The following IL6ST variants were observed in gnomAD, a reference collection of about 807,000 sequenced individuals.
IL6ST encodes the protein interleukin 6 cytokine family signal transducer, also known as interleukin-6 receptor subunit beta.
A neutral mutation model predicts 91.3 loss-of-function variants in IL6ST; 24 were observed. That is an observed-to-expected ratio of 0.26 (90% CI 0.19 to 0.37). The LOEUF is 0.37. Ranked by LOEUF, IL6ST falls within the 10% of genes least tolerant of loss-of-function variation. The pLI, the probability that IL6ST is intolerant of heterozygous loss-of-function variation, is 1.00. For synonymous variants in IL6ST, 351 were observed against 373.6 expected, an observed-to-expected ratio of 0.94 and a Z score of 0.70; for missense variants, 914 against 1,078.5, an observed-to-expected ratio of 0.85 and a Z score of 2.14.
At chr5:55,955,255 C>T (rs1001053676) in intron 10 of IL6ST, among the ~76,000 whole-genome samples, 5 of 152,148 alleles carry the variant, frequency 3.3e-5, no homozygotes, top group South Asian at 2.1e-4. Flanking sequence ...ATCAGGAGTT[C>T]GAAACCAGCC....
At chr5:55,945,648 CTTTTTT>C (rs70995749) in intron 15 of IL6ST, among the ~76,000 whole-genome samples, 15 of 41,678 alleles carry the variant, frequency 3.6e-4, no homozygotes, top group East Asian at 9.2e-4. Flanking sequence ...AAAACTTATG[CTTTTTT>C]TTTTTTTTTT....
chr5:55,955,289 C>G (rs1751885954), intron 10 of IL6ST, among the ~76,000 whole-genome samples: 1 of 152,154 alleles, frequency 6.6e-6, no homozygotes, highest in African/African-American at 2.4e-5. Context: ...GAAACCCCGT[C>G]TCTACTAAAA....
At chr5:55,966,810 GA>G (rs1752658698) in intron 5 of IL6ST, among the ~76,000 whole-genome samples, 1 of 152,014 alleles carries the variant, frequency 6.6e-6, no homozygotes, top group South Asian at 2.1e-4. Context: ...AAACAAATGG[GA>G]AACTTAGTAA....
At chr5:55,951,654 T>G in intron 13 of IL6ST, 50 bp from the exon 14 acceptor site, 1 of 1,553,576 alleles carries the variant, frequency 6.4e-7, no homozygotes, top group South Asian at 1.2e-5. Flanking sequence ...TGCTTTTGCT[T>G]ATTTGGCCTA....
chr5:55,983,062 C>G (rs773187920), intron 1 of IL6ST, among the ~76,000 whole-genome samples: 8 of 150,570 alleles, frequency 5.3e-5, no homozygotes, highest in Non-Finnish European at 1.0e-4. Flanking sequence ...TGCAGTAGCA[C>G]AATTACAGCT....
intron 1 of IL6ST, chr5:55,993,964 G>A (rs1176491203): frequency 1.4e-5 from 2 of 145,176 alleles, no homozygotes; most frequent in South Asian, 2.2e-4. Context: ...ATTCACCCTG[G>A]CATTCTAATA....
chr5:55,972,654 T>C (rs1450969894), intron 3 of IL6ST, among the ~76,000 whole-genome samples: 5 of 152,136 alleles, frequency 3.3e-5, no homozygotes, highest in Non-Finnish European at 7.4e-5. Flanking sequence ...AAGAAAGGTA[T>C]CTGATAAAGT....
chr5:55,967,151 T>C (rs1206415842), intron 5 of IL6ST, among the ~76,000 whole-genome samples: 9 of 149,940 alleles, frequency 6.0e-5, no homozygotes, highest in Admixed American at 1.3e-4. Flanking sequence ...CTATTAAAAA[T>C]AGAAAAAAAT....
intron 1 of IL6ST, among the ~76,000 whole-genome samples, chr5:55,993,174 G>C (rs1283164936): frequency 6.6e-6 from 1 of 152,166 alleles, no homozygotes; most frequent in African/African-American, 2.4e-5. Flanking sequence ...AGGAGGGAGC[G>C]GGGAATCCCT....
chr5:55,947,608 A>G lies in IL6ST; in HGVS notation c.1841-19T>C. On this transcript the variant is annotated intron_variant, in intron 14 of 16. Transcript: ENST00000381298. ...CCTTGAGCTTAAAAAAAAAAAAAAA[A>G]AAAAAAAAAGAGGTGTGATGGGAAA... The G allele has an allele frequency of 2.1e-6, 3 of 1,436,792 alleles. No homozygotes were observed. Among genetic ancestry groups the G allele is most frequent in the Non-Finnish European group, 2.9e-6 (3 of 1,049,824 alleles). The allele number at this position is 1,436,792 out of a possible 1,614,324, so 89.0% of individuals were successfully genotyped here. A position where few individuals can be genotyped will look rare whatever the true frequency, so the allele number is the denominator to read the frequency against.
chr5:55,971,342 G>C (rs1474998946), intron 3 of IL6ST, among the ~76,000 whole-genome samples: 2 of 152,010 alleles, frequency 1.3e-5, no homozygotes, highest in African/African-American at 4.8e-5. Flanking sequence ...ATGCTACTTT[G>C]ACTGCTGAAG....
In IL6ST at chr5:55,937,253, T is replaced by A. The variant is rs983835880; in HGVS notation, c.*3829A>T. ...AATGAAATGGGTAATGAAGTTAAAC[T>A]AACCAGTTTGTACAAACTATTGACT... is the stretch of plus-strand genomic sequence containing the variant. On this transcript the variant is annotated 3_prime_UTR_variant, in exon 17 of 17. Transcript: ENST00000381298. The A allele has an allele frequency of 1.7e-4, 36 of 214,322 alleles. No individual in the cohort carries two copies. Among genetic ancestry groups the A allele is most frequent in the Admixed American group, 1.1e-3 (19 of 17,136 alleles). 13.3% of individuals were successfully genotyped at this position (214,322 alleles called of 1,614,324 possible).
At chr5:55,970,524 T>C (rs1752899977) in intron 3 of IL6ST, among the ~76,000 whole-genome samples, 1 of 151,874 alleles carries the variant, frequency 6.6e-6, no homozygotes, top group Non-Finnish European at 1.5e-5. Flanking sequence ...CCATCTGTAC[T>C]AAAAACAAAA....
chr5:55,944,885 C>T (rs1460950010), intron 15 of IL6ST, among the ~76,000 whole-genome samples: 2 of 152,094 alleles, frequency 1.3e-5, no homozygotes, highest in African/African-American at 2.4e-5. Flanking sequence ...TCGCCGATCA[C>T]CTCTGAGACC....
rs1414463482 is a variant in IL6ST, at chr5:55,935,406, A to C, written c.*5676T>G. On this transcript the variant is annotated 3_prime_UTR_variant, in exon 17 of 17. Coordinates refer to ENST00000381298, the MANE Select transcript of IL6ST (RefSeq NM_002184.4). ...TTGAAAATCTTTAGCGGTTGGGGAA[A>C]ATAGCTATATTTAAAAACAAATATT... 1 of 203,848 alleles carries C rather than the reference A, an allele frequency of 4.9e-6. No homozygotes were observed. Among genetic ancestry groups the C allele is most frequent in the Non-Finnish European group, 1.0e-5 (1 of 99,540 alleles). 12.6% of individuals were successfully genotyped at this position (203,848 alleles called of 1,614,324 possible).
At chr5:55,990,998 T>C (rs565161688) in intron 1 of IL6ST, among the ~76,000 whole-genome samples, 20 of 152,158 alleles carry the variant, frequency 1.3e-4, no homozygotes, top group Non-Finnish European at 2.8e-4. Flanking sequence ...TGTTTGGTTT[T>C]CTGTCCTTGC....
intron 1 of IL6ST, 69 bp from the exon 2 acceptor site, chr5:55,982,880 A>G (rs1159821183): frequency 2.5e-6 from 1 of 396,992 alleles, no homozygotes; most frequent in Non-Finnish European, 4.4e-6. Context: ...TACTTTAAAA[A>G]TCCCCATCTG....
intron 1 of IL6ST, among the ~76,000 whole-genome samples, chr5:55,986,206 G>A (rs866200393): frequency 6.6e-6 from 1 of 152,096 alleles, no homozygotes; most frequent in African/African-American, 2.4e-5. Context: ...GTTCAAAAAG[G>A]GATATTGAAA....
chr5:55,942,843 C>T (rs768982606), intron 15 of IL6ST, 92 bp from the exon 16 acceptor site: 5 of 656,204 alleles, frequency 7.6e-6, no homozygotes, highest in Non-Finnish European at 1.1e-5. Flanking sequence ...AAGACTCTTA[C>T]AAACCAAACC....
Sources: allele counts gnomAD v4.1 joint callset (sites outside exome capture counted in the v4.1 genomes callset), GRCh38; gene constraint gnomAD v4.1.1; transcripts MANE v1.5; gene names NCBI Gene and HGNC (gene_info 2026-07-23, HGNC 2026-07-21).